Variants in EDIL3 observed in about 807,000 individuals in gnomAD.
EDIL3 encodes the protein EGF-like repeat and discoidin I-like domain-containing protein 3.
EDIL3 carries 37 observed loss-of-function variants against 67.4 expected under a neutral mutation model. The ratio of observed to expected loss-of-function variants is 0.55; its 90% CI spans 0.42 to 0.72. The LOEUF is 0.72. Among genes scored for constraint, EDIL3 ranks in the 30% least tolerant of loss-of-function variants. EDIL3 has a pLI of 0.00. For synonymous variants in EDIL3, 195 were observed against 196.3 expected, an observed-to-expected ratio of 0.99 and a Z score of 0.05; for missense variants, 527 against 586.3, an observed-to-expected ratio of 0.90 and a Z score of 1.04.
intron 1 of EDIL3, among the ~76,000 whole-genome samples, chr5:84,258,869 A>G (rs1281222766): frequency 6.6e-6 from 1 of 151,992 alleles, no homozygotes; most frequent in Admixed American, 6.6e-5. Context: ...CCAAGGCAGT[A>G]GCACCTCAGG....
intron 1 of EDIL3, among the ~76,000 whole-genome samples, chr5:84,313,938 G>A (rs1433726214): frequency 6.6e-6 from 1 of 152,180 alleles, no homozygotes; most frequent in East Asian, 1.9e-4. Flanking sequence ...GCTCACACCT[G>A]TAATCCCAGC....
In EDIL3 at chr5:83,966,922, C is replaced by T. The variant is rs185067083; in HGVS notation, c.1138-3562G>A. Among the ~76,000 whole-genome samples, 300 of 152,186 alleles carry T rather than the reference C, an allele frequency of 2.0e-3. 1 individual carries two copies. The highest frequency in any genetic ancestry group is 3.3e-3 in the Non-Finnish European group (222 of 67,998). On this transcript the variant is annotated intron_variant, in intron 9 of 10. Transcript: ENST00000296591. Reference sequence around the variant, plus strand: ...AAGTTCTGGATCATAAAATATTTCGCTCACCATCTCAGGATATATACAAAA... The same window carrying T: ...AAGTTCTGGATCATAAAATATTTCGTTCACCATCTCAGGATATATACAAAA...
intron 9 of EDIL3, 68 bp from the exon 10 acceptor site, chr5:83,963,428 G>A: frequency 1.3e-6 from 2 of 1,482,130 alleles, no homozygotes; most frequent in Non-Finnish European, 1.8e-6. Flanking sequence ...GTCTTTTGAT[G>A]TCAAGAGAAT....
intron 4 of EDIL3, among the ~76,000 whole-genome samples, chr5:84,153,573 C>T (rs769654281): frequency 1.3e-5 from 2 of 151,996 alleles, no homozygotes; most frequent in Non-Finnish European, 2.9e-5. Context: ...AGCAATTCTC[C>T]TGTCTCAGCC....
chr5:84,230,358 T>C (rs1219548258), intron 2 of EDIL3, among the ~76,000 whole-genome samples: 1 of 151,878 alleles, frequency 6.6e-6, no homozygotes, highest in Non-Finnish European at 1.5e-5. Flanking sequence ...ATAGAAGTTA[T>C]AAGAAAGGAA....
intron 9 of EDIL3, among the ~76,000 whole-genome samples, chr5:83,964,144 T>C (rs1320423055): frequency 6.6e-6 from 1 of 151,972 alleles, no homozygotes; most frequent in Non-Finnish European, 1.5e-5. Flanking sequence ...ATGCAAAAGA[T>C]AGGAAACATT....
intron 1 of EDIL3, among the ~76,000 whole-genome samples, chr5:84,293,368 T>C (rs887843207): frequency 1.1e-4 from 16 of 152,322 alleles, no homozygotes; most frequent in Non-Finnish European, 1.2e-4. Context: ...GCAGAGAGGT[T>C]GAATAACTTC....
chr5:84,151,598 A>C, intron 4 of EDIL3, among the ~76,000 whole-genome samples: 1 of 152,172 alleles, frequency 6.6e-6, no homozygotes. Flanking sequence ...ATAAAGATGA[A>C]TGGGGAAAAA....
At chr5:84,168,775 T>C (rs1246507878) in intron 4 of EDIL3, among the ~76,000 whole-genome samples, 1 of 152,176 alleles carries the variant, frequency 6.6e-6, no homozygotes, top group Non-Finnish European at 1.5e-5. Flanking sequence ...GTTGCAAGGT[T>C]CCACGCTTAC....
chr5:84,017,542 G>A (rs1430714122), intron 9 of EDIL3, among the ~76,000 whole-genome samples: 1 of 152,132 alleles, frequency 6.6e-6, no homozygotes, highest in East Asian at 1.9e-4. Flanking sequence ...TACTGTAACT[G>A]TAAGAATAGA....
chr5:84,113,742 T>C (rs1339573875), intron 5 of EDIL3, among the ~76,000 whole-genome samples: 1 of 152,232 alleles, frequency 6.6e-6, no homozygotes, highest in East Asian at 1.9e-4. Flanking sequence ...GCAACAGGAA[T>C]GTACTGCTTT....
chr5:84,254,072 T>G lies in EDIL3; in HGVS notation c.196+12A>C. On this transcript the variant is annotated intron_variant, in intron 2 of 10. Transcript: ENST00000296591. ...AAAGATAACTACTGAAATACTTAAATTTTGCACTTACCAACCTCCACAACA... is the reference window on the plus strand; with the variant it reads ...AAAGATAACTACTGAAATACTTAAAGTTTGCACTTACCAACCTCCACAACA... The G allele has an allele frequency of 6.3e-7, 1 of 1,582,476 alleles. No individual in the cohort carries two copies. The highest frequency in any genetic ancestry group is 8.6e-7 in the Non-Finnish European group (1 of 1,166,420).
intron 3 of EDIL3, among the ~76,000 whole-genome samples, chr5:84,221,559 T>G (rs1353806214): frequency 6.6e-6 from 1 of 151,536 alleles, no homozygotes; most frequent in African/African-American, 2.4e-5. Context: ...GGAAGTTTAA[T>G]TTTTAAAAAA....
intron 5 of EDIL3, among the ~76,000 whole-genome samples, chr5:84,108,379 T>C (rs1343747004): frequency 1.3e-5 from 2 of 152,124 alleles, no homozygotes; most frequent in African/African-American, 2.4e-5. Context: ...ATCTTTGCCA[T>C]TGACAAAAAA....
chr5:84,194,302 T>A (rs770068411), intron 3 of EDIL3, among the ~76,000 whole-genome samples: 21 of 151,824 alleles, frequency 1.4e-4, no homozygotes, highest in Non-Finnish European at 2.9e-4. Flanking sequence ...TCCTTAGAAG[T>A]CCATTTGCTT....
At chr5:84,305,763 C>T (rs1327546964) in intron 1 of EDIL3, among the ~76,000 whole-genome samples, 1 of 152,072 alleles carries the variant, frequency 6.6e-6, no homozygotes, top group African/African-American at 2.4e-5. Context: ...CCTGTAATCC[C>T]AGCTACTCGG....
chr5:84,175,955 C>T (rs1411255252), intron 4 of EDIL3, among the ~76,000 whole-genome samples: 2 of 151,656 alleles, frequency 1.3e-5, no homozygotes, highest in Non-Finnish European at 2.9e-5. Flanking sequence ...GTGATTAATG[C>T]AATTAAGAAT....
intron 6 of EDIL3, among the ~76,000 whole-genome samples, chr5:84,087,058 A>G (rs993734797): frequency 6.6e-6 from 1 of 152,198 alleles, no homozygotes; most frequent in Non-Finnish European, 1.5e-5. Context: ...AGTTGGCCAC[A>G]TCTATTGTTG....
At chr5:84,366,900 A>G (rs935960255) in intron 1 of EDIL3, among the ~76,000 whole-genome samples, 1 of 152,228 alleles carries the variant, frequency 6.6e-6, no homozygotes, top group African/African-American at 2.4e-5. Context: ...ATAACATGTC[A>G]TTTATGAAAA....
Sources: gnomAD v4.1 joint callset for allele counts (sites outside exome capture counted in the v4.1 genomes callset) on GRCh38, gnomAD v4.1.1 for gene constraint, MANE v1.5 for transcripts, NCBI Gene and HGNC (gene_info 2026-07-23, HGNC 2026-07-21) for gene names.